The following SPOCK1 variants were observed in gnomAD, a reference collection of about 807,000 sequenced individuals.
The protein encoded by SPOCK1 is testican-1.
SPOCK1 carries 23 observed loss-of-function variants against 55.3 expected under a neutral mutation model. That is an observed-to-expected ratio of 0.42 (90% CI 0.30 to 0.59). The LOEUF is 0.59. Among genes scored for constraint, SPOCK1 ranks in the 20% least tolerant of loss-of-function variants. The pLI is 0.22. For synonymous variants in SPOCK1, 226 were observed against 221.0 expected, an observed-to-expected ratio of 1.02 and a Z score of -0.20; for missense variants, 499 against 552.5, an observed-to-expected ratio of 0.90 and a Z score of 0.97.
At chr5:137,488,584 G>T (rs1444255471) in intron 2 of SPOCK1, among the ~76,000 whole-genome samples, 2 of 152,124 alleles carry the variant, frequency 1.3e-5, no homozygotes, top group African/African-American at 4.8e-5. Context: ...CTTTGTCTTG[G>T]CCAGGCCTCT....
chr5:137,351,032 A>T (rs933826154), intron 2 of SPOCK1, among the ~76,000 whole-genome samples: 14 of 152,210 alleles, frequency 9.2e-5, no homozygotes, highest in African/African-American at 3.4e-4. Context: ...ACTAGGGCTC[A>T]GTGGCAGGTT....
At chr5:137,028,090 C>G (rs1236454271) in intron 6 of SPOCK1, among the ~76,000 whole-genome samples, 2 of 152,210 alleles carry the variant, frequency 1.3e-5, no homozygotes, top group Non-Finnish European at 2.9e-5. Flanking sequence ...ACCTCTTGTG[C>G]TCCACTCTTT....
At chr5:137,286,968 C>T (rs1442966252) in intron 2 of SPOCK1, among the ~76,000 whole-genome samples, 1 of 152,138 alleles carries the variant, frequency 6.6e-6, no homozygotes, top group Non-Finnish European at 1.5e-5. Flanking sequence ...TATTAAAAGG[C>T]AACAGGAGGT....
intron 2 of SPOCK1, among the ~76,000 whole-genome samples, chr5:137,496,439 T>C (rs1199791983): frequency 6.6e-6 from 1 of 152,206 alleles, no homozygotes; most frequent in Non-Finnish European, 1.5e-5. Flanking sequence ...GAAAGCACAG[T>C]AAACCTTTCC....
chr5:137,142,618 A>G (rs1021779787), intron 3 of SPOCK1, among the ~76,000 whole-genome samples: 1 of 152,246 alleles, frequency 6.6e-6, no homozygotes, highest in Non-Finnish European at 1.5e-5. Flanking sequence ...GAGATAAAAG[A>G]GAGGCTGATT....
intron 3 of SPOCK1, among the ~76,000 whole-genome samples, chr5:137,196,553 C>T (rs1755302112): frequency 6.6e-6 from 1 of 152,224 alleles, no homozygotes; most frequent in African/African-American, 2.4e-5. Context: ...CCACTGGCTG[C>T]AATGCTATTC....
chr5:137,452,044 C>T (rs1753265183), intron 2 of SPOCK1, among the ~76,000 whole-genome samples: 1 of 152,132 alleles, frequency 6.6e-6, no homozygotes, highest in Non-Finnish European at 1.5e-5. Context: ...CCCCAATGAG[C>T]ATTTCCTTTG....
At chr5:137,495,535 T>A (rs113491272) in intron 2 of SPOCK1, among the ~76,000 whole-genome samples, 98 of 152,342 alleles carry the variant, frequency 6.4e-4, no homozygotes, top group African/African-American at 2.2e-3. Context: ...AAAATTGACA[T>A]GCATCATAAC....
chr5:137,092,645 T>C (rs1753072151), intron 5 of SPOCK1, among the ~76,000 whole-genome samples: 1 of 152,312 alleles, frequency 6.6e-6, no homozygotes, highest in South Asian at 2.1e-4. Flanking sequence ...CTAGTACATT[T>C]TTGTATATCC....
intron 3 of SPOCK1, among the ~76,000 whole-genome samples, chr5:137,201,259 A>C (rs1649613697): frequency 6.6e-6 from 1 of 152,224 alleles, no homozygotes; most frequent in Non-Finnish European, 1.5e-5. Context: ...CCATGGATGG[A>C]ATGTTGATTA....
At position 137,160,614 on chromosome 5, in the gene SPOCK1, A is replaced by ATT. The variant is rs1491567506; in HGVS notation, c.233-19921_233-19920insAA. Among the ~76,000 whole-genome samples the ATT allele has an allele frequency of 3.7e-3, 254 of 68,212 alleles. 3 individuals are homozygous for ATT. The highest frequency in any genetic ancestry group is 0.015 in the African/African-American group (248 of 16,870). 44.7% of individuals were successfully genotyped at this position (68,212 alleles called of 152,430 possible). A position where few individuals can be genotyped will look rare whatever the true frequency, so the allele number is the denominator to read the frequency against. On this transcript the variant is annotated intron_variant, in intron 3 of 10. Coordinates refer to ENST00000394945, the MANE Select transcript of SPOCK1 (RefSeq NM_004598.4). ...ATATAATATATTATATATAATATATAATATATATTTTATATAATATATAAT... is the reference window on the plus strand; with the variant it reads ...ATATAATATATTATATATAATATATATTATATATATTTTATATAATATATAAT...
At chr5:137,345,363 G>C (rs1046005651) in intron 2 of SPOCK1, among the ~76,000 whole-genome samples, 1 of 152,168 alleles carries the variant, frequency 6.6e-6, no homozygotes, top group African/African-American at 2.4e-5. Flanking sequence ...CCTGTTTATG[G>C]GGTGAGCCTG....
At chr5:137,041,843 T>G (rs772674167) in intron 6 of SPOCK1, among the ~76,000 whole-genome samples, 2 of 152,198 alleles carry the variant, frequency 1.3e-5, no homozygotes, top group Non-Finnish European at 1.5e-5. Flanking sequence ...AAACTTTCAT[T>G]TATTGCTGCT....
chr5:137,088,880 T>C (rs560483688), intron 5 of SPOCK1, among the ~76,000 whole-genome samples: 1 of 152,034 alleles, frequency 6.6e-6, no homozygotes, highest in Non-Finnish European at 1.5e-5. Flanking sequence ...TTGGAAAGAA[T>C]GATGTATGGG....
At chr5:137,162,337 C>T (rs564539553) in intron 3 of SPOCK1, among the ~76,000 whole-genome samples, 80 of 152,050 alleles carry the variant, frequency 5.3e-4, no homozygotes, top group African/African-American at 1.9e-3. Context: ...CAGGGTTTCA[C>T]CATGTTAGCC....
At chr5:137,094,638 G>T (rs941882929) in intron 5 of SPOCK1, among the ~76,000 whole-genome samples, 7 of 152,178 alleles carry the variant, frequency 4.6e-5, no homozygotes. Context: ...CTGGTGGAGG[G>T]TCTTGCCCTG....
chr5:137,044,209 C>T (rs115073708), intron 6 of SPOCK1, among the ~76,000 whole-genome samples: 2 of 152,118 alleles, frequency 1.3e-5, no homozygotes, highest in Non-Finnish European at 2.9e-5. Context: ...CTCTAAGTGA[C>T]GCATCAGGAG....
At chr5:137,031,213 C>T (rs772941852) in intron 6 of SPOCK1, among the ~76,000 whole-genome samples, 1 of 152,128 alleles carries the variant, frequency 6.6e-6, no homozygotes, top group African/African-American at 2.4e-5. Context: ...ACAATACATC[C>T]GATGCTTTCT....
At chr5:137,488,027 T>C (rs1455407464) in intron 2 of SPOCK1, among the ~76,000 whole-genome samples, 3 of 152,204 alleles carry the variant, frequency 2.0e-5, no homozygotes, top group Non-Finnish European at 4.4e-5. Context: ...TTGGGATGGA[T>C]AACAATTCTC....
Sources: gnomAD v4.1 joint callset for allele counts (sites outside exome capture counted in the v4.1 genomes callset) on GRCh38, gnomAD v4.1.1 for gene constraint, MANE v1.5 for transcripts, NCBI Gene and HGNC (gene_info 2026-07-23, HGNC 2026-07-21) for gene names.